Variants in PLXNA4 observed in about 807,000 individuals in gnomAD.
The protein encoded by PLXNA4 is plexin A4, also known as plexin-A4.
In PLXNA4, 44 loss-of-function variants were observed where a neutral mutation model predicts 191.8. The ratio of observed to expected loss-of-function variants is 0.23; its 90% CI spans 0.18 to 0.29. PLXNA4 has a LOEUF of 0.29. PLXNA4 is among the 10% of genes least tolerant of loss of function. The pLI, the probability that PLXNA4 is intolerant of heterozygous loss-of-function variation, is 1.00. For synonymous variants in PLXNA4, 1,082 were observed against 1,009.5 expected, an observed-to-expected ratio of 1.07 and a Z score of -1.36; for missense variants, 1,800 against 2,488.8, an observed-to-expected ratio of 0.72 and a Z score of 5.89.
intron 14 of PLXNA4, among the ~76,000 whole-genome samples, chr7:132,188,732 G>A (rs764316731): frequency 6.6e-6 from 1 of 152,056 alleles, no homozygotes; most frequent in Non-Finnish European, 1.5e-5. Flanking sequence ...AGAGGGTGGG[G>A]TGAGGCTGTG....
In PLXNA4 at chr7:132,636,384, G is replaced by T. The variant is rs143804160; in HGVS notation, c.-87+9544C>A. The stretch of plus-strand genomic sequence containing the variant: ...CTGGACTTCTAGCCACATGGGTTGG[G>T]AGATCCCCTGTAGTCTGATGTTTCA... On this transcript the variant is annotated intron_variant, in intron 2 of 4. Coordinates refer to the PLXNA4 transcript ENST00000378539. 9.2e-5 allele frequency among the ~76,000 whole-genome samples: 14 copies of T among 152,280 alleles called. No individual in the cohort carries two copies. In the East Asian group the frequency reaches 2.5e-3, roughly 27 times the overall value.
intron 1 of PLXNA4, among the ~76,000 whole-genome samples, chr7:132,537,871 G>C (rs1010908365): frequency 6.6e-6 from 1 of 152,176 alleles, no homozygotes; most frequent in African/African-American, 2.4e-5. Flanking sequence ...AGAAGTGCAC[G>C]GGCAGTGGGG....
At chr7:132,385,653 C>T (rs1563070283) in intron 3 of PLXNA4, among the ~76,000 whole-genome samples, 1 of 152,210 alleles carries the variant, frequency 6.6e-6, no homozygotes, top group Non-Finnish European at 1.5e-5. Context: ...AAAGAACAAC[C>T]TCAAAGCCCC....
chr7:132,421,247 T>G (rs1226687839), intron 3 of PLXNA4, among the ~76,000 whole-genome samples: 1 of 152,226 alleles, frequency 6.6e-6, no homozygotes, highest in Non-Finnish European at 1.5e-5. Context: ...TCGAGGTTCA[T>G]CTACATTGTA....
intron 2 of PLXNA4, among the ~76,000 whole-genome samples, chr7:132,624,649 C>G (rs1334327386): frequency 6.6e-6 from 1 of 152,170 alleles, no homozygotes; most frequent in Non-Finnish European, 1.5e-5. Context: ...AACTACAGTT[C>G]CTGGGTCCTG....
At chr7:132,599,685 T>C (rs543759639) in intron 2 of PLXNA4, among the ~76,000 whole-genome samples, 14 of 148,500 alleles carry the variant, frequency 9.4e-5, no homozygotes, top group Non-Finnish European at 1.5e-4. Context: ...CTTCTCCCCC[T>C]TTTTTTTTTC....
At chr7:132,352,162 G>C (rs1803514316) in intron 3 of PLXNA4, among the ~76,000 whole-genome samples, 1 of 152,192 alleles carries the variant, frequency 6.6e-6, no homozygotes, top group South Asian at 2.1e-4. Context: ...TTCCCCTGCT[G>C]GCTGCCATCC....
At chr7:132,602,880 C>T (rs917368511) in intron 2 of PLXNA4, among the ~76,000 whole-genome samples, 1 of 152,014 alleles carries the variant, frequency 6.6e-6, no homozygotes, top group African/African-American at 2.4e-5. Flanking sequence ...GGAAAGATCT[C>T]TCTAATGCCA....
chr7:132,574,677 A>G (rs1802142632), intron 1 of PLXNA4, among the ~76,000 whole-genome samples: 1 of 152,188 alleles, frequency 6.6e-6, no homozygotes, highest in Non-Finnish European at 1.5e-5. Flanking sequence ...TCAATCAATC[A>G]AAGGGCAGCT....
intron 24 of PLXNA4, among the ~76,000 whole-genome samples, chr7:132,160,936 C>G: frequency 2.6e-5 from 1 of 38,674 alleles, no homozygotes; most frequent in South Asian, 1.1e-3. Flanking sequence ...GAAAAAAAAA[C>G]CCCTGAAATC....
chr7:132,175,020 C>A (rs1796411978), intron 20 of PLXNA4, 100 bp from the exon 21 acceptor site: 3 of 1,528,462 alleles, frequency 2.0e-6, no homozygotes, highest in Admixed American at 1.9e-5. Flanking sequence ...CCCTAGGAGA[C>A]ATGAGCAATG....
intron 25 of PLXNA4, among the ~76,000 whole-genome samples, chr7:132,151,594 A>AGAG (rs1304562306): frequency 3.6e-5 from 1 of 27,980 alleles, no homozygotes; most frequent in Non-Finnish European, 3.5e-4. Flanking sequence ...AGGAGAAAGG[A>AGAG]GGAGAGGGAG....
intron 2 of PLXNA4, among the ~76,000 whole-genome samples, chr7:132,620,929 C>T (rs1426627848): frequency 1.3e-5 from 2 of 152,134 alleles, no homozygotes; most frequent in East Asian, 3.9e-4. Context: ...CAGTAAAGGC[C>T]TGCTTCTTGG....
At chr7:132,579,678 AC>A (rs1288089892), upstream of PLXNA4, among the ~76,000 whole-genome samples, 1 of 152,126 alleles carries the variant, frequency 6.6e-6, no homozygotes, top group African/African-American at 2.4e-5. Context: ...GGGAAGACAC[AC>A]AGCAAAAAGC....
rs564107433 is a variant in PLXNA4 at position 132,572,390 on chromosome 7, T to G, written c.-87+4032A>C. ...CATTAATTATCATCTTCCATTCCATTGTTTTTACAAGAACTGAAGCCAGTA... is the reference window on the plus strand; with the variant it reads ...CATTAATTATCATCTTCCATTCCATGGTTTTTACAAGAACTGAAGCCAGTA... On this transcript the variant is annotated intron_variant, in intron 1 of 31. Transcript: ENST00000321063. Among the ~76,000 whole-genome samples the G allele has an allele frequency of 2.6e-5, 4 of 152,362 alleles. No homozygotes were observed. The South Asian group carries it at 8.3e-4, about 32-fold the overall frequency.
chr7:132,493,169 G>C (rs1012027334), intron 2 of PLXNA4, among the ~76,000 whole-genome samples: 3 of 152,170 alleles, frequency 2.0e-5, no homozygotes, highest in Non-Finnish European at 4.4e-5. Context: ...GGTGATGGGG[G>C]AAGAGAATGT....
chr7:132,288,418 A>T (rs1800762418), intron 4 of PLXNA4, among the ~76,000 whole-genome samples: 1 of 152,230 alleles, frequency 6.6e-6, no homozygotes, highest in South Asian at 2.1e-4. Flanking sequence ...CAGTAATGAC[A>T]TTCTGGAACC....
At chr7:132,236,361 C>T (rs1798701103) in intron 5 of PLXNA4, among the ~76,000 whole-genome samples, 1 of 152,174 alleles carries the variant, frequency 6.6e-6, no homozygotes, top group Non-Finnish European at 1.5e-5. Context: ...CTACCACCAC[C>T]TCACTCCCTC....
At chr7:132,457,287 C>T (rs1489232082) in intron 3 of PLXNA4, among the ~76,000 whole-genome samples, 1 of 152,200 alleles carries the variant, frequency 6.6e-6, no homozygotes, top group African/African-American at 2.4e-5. Context: ...AATCCAAGAT[C>T]CCACACTGCA....
Sources: allele counts gnomAD v4.1 joint callset (sites outside exome capture counted in the v4.1 genomes callset), GRCh38; gene constraint gnomAD v4.1.1; transcripts MANE v1.5; gene names NCBI Gene and HGNC (gene_info 2026-07-23, HGNC 2026-07-21).